Variants in SLCO3A1 observed in about 807,000 individuals in gnomAD.
SLCO3A1 encodes PGE1 transporter.
Under a neutral mutation model 63.1 loss-of-function variants are expected in SLCO3A1, and 27 were observed. That is an observed-to-expected ratio of 0.43 (90% CI 0.32 to 0.59). SLCO3A1 has a LOEUF of 0.59. Ranked by LOEUF, SLCO3A1 falls within the 20% of genes least tolerant of loss-of-function variation. The pLI is 0.09. For synonymous variants in SLCO3A1, 473 were observed against 409.9 expected, an observed-to-expected ratio of 1.15 and a Z score of -1.86; for missense variants, 773 against 945.8, an observed-to-expected ratio of 0.82 and a Z score of 2.40.
intron 2 of SLCO3A1, among the ~76,000 whole-genome samples, chr15:92,082,040 G>A (rs2047353076): frequency 6.6e-6 from 1 of 152,186 alleles, no homozygotes; most frequent in South Asian, 2.1e-4. Flanking sequence ...CTTTGTGATG[G>A]AGATAATTCT....
chr15:91,973,433 T>C (rs1846735790), intron 2 of SLCO3A1, among the ~76,000 whole-genome samples: 1 of 152,212 alleles, frequency 6.6e-6, no homozygotes, highest in African/African-American at 2.4e-5. Flanking sequence ...CAAGTCAAGA[T>C]ACAATTATCT....
chr15:91,907,044 G>C (rs570262166), intron 1 of SLCO3A1, among the ~76,000 whole-genome samples: 67 of 152,054 alleles, frequency 4.4e-4, no homozygotes, highest in African/African-American at 1.6e-3. Context: ...TTTTACTTTA[G>C]GGCCATTTAG....
At chr15:92,142,555 T>G (rs756855278) in intron 7 of SLCO3A1, among the ~76,000 whole-genome samples, 6 of 152,180 alleles carry the variant, frequency 3.9e-5, no homozygotes, top group Non-Finnish European at 8.8e-5. Context: ...TAGTATCACA[T>G]TGGTGATTAT....
At chr15:91,920,472 GGAGA>G (rs1353354623) in intron 2 of SLCO3A1, among the ~76,000 whole-genome samples, 3 of 152,198 alleles carry the variant, frequency 2.0e-5, no homozygotes, top group Non-Finnish European at 2.9e-5. Context: ...GAGGTAGGAT[GGAGA>G]GAGAGGAAGG....
intron 2 of SLCO3A1, among the ~76,000 whole-genome samples, chr15:92,078,583 G>GC (rs1185107919): frequency 1.3e-5 from 2 of 152,100 alleles, no homozygotes; most frequent in Admixed American, 1.3e-4. Flanking sequence ...CCACACCTCT[G>GC]CCTTTGCCCA....
At chr15:91,864,136 TC>T (rs1202763749) in intron 1 of SLCO3A1, among the ~76,000 whole-genome samples, 4 of 152,216 alleles carry the variant, frequency 2.6e-5, no homozygotes, top group Non-Finnish European at 4.4e-5. Flanking sequence ...TTGTTCGATT[TC>T]TAGAGATGGA....
intron 2 of SLCO3A1, among the ~76,000 whole-genome samples, chr15:91,996,448 A>G (rs1428959187): frequency 1.3e-5 from 2 of 152,118 alleles, no homozygotes; most frequent in Non-Finnish European, 2.9e-5. Flanking sequence ...TTCCATTGCA[A>G]TAAAAACAAA....
At chr15:91,892,875 G>A (rs1006005398) in intron 1 of SLCO3A1, among the ~76,000 whole-genome samples, 10 of 152,292 alleles carry the variant, frequency 6.6e-5, no homozygotes, top group African/African-American at 2.4e-4. Context: ...CATAGCTAAT[G>A]TCACAATAAA....
At chr15:92,153,783 A>G (rs1395798470) in intron 9 of SLCO3A1, among the ~76,000 whole-genome samples, 1 of 152,126 alleles carries the variant, frequency 6.6e-6, no homozygotes, top group Non-Finnish European at 1.5e-5. Context: ...AGGGAGAAGG[A>G]CTTACGGGGT....
chr15:92,161,800 T>C (rs1699970643), intron 9 of SLCO3A1: 1 of 131,826 alleles, frequency 7.6e-6, no homozygotes, highest in Non-Finnish European at 1.7e-5. Flanking sequence ...GTTTCCTCTG[T>C]AGAACACCAC....
In SLCO3A1 at chr15:92,147,752, T is replaced by C. The variant is rs71412546; in HGVS notation, c.1688+593T>C. On this transcript the variant is annotated intron_variant, in intron 8 of 9. Transcript: ENST00000318445. ...AACCGAAATTCTATTGTTACCTGTCTCTGGGGACCTGTCCTGGGGATAGGT... is the reference window on the plus strand; with the variant it reads ...AACCGAAATTCTATTGTTACCTGTCCCTGGGGACCTGTCCTGGGGATAGGT... Among the ~76,000 whole-genome samples, 704 of 152,294 alleles carry C rather than the reference T, an allele frequency of 4.6e-3. 3 individuals are homozygous for C. The highest frequency in any genetic ancestry group is 0.02 in the Middle Eastern group (6 of 294).
At chr15:91,923,389 C>A (rs1172983073) in intron 2 of SLCO3A1, among the ~76,000 whole-genome samples, 2 of 152,186 alleles carry the variant, frequency 1.3e-5, no homozygotes, top group African/African-American at 2.4e-5. Flanking sequence ...AGAATAGCAA[C>A]CTCTTCAGTC....
chr15:91,873,600 T>A (rs1314134471), intron 1 of SLCO3A1, among the ~76,000 whole-genome samples: 1 of 151,870 alleles, frequency 6.6e-6, no homozygotes, highest in Non-Finnish European at 1.5e-5. Flanking sequence ...AGGACCATTT[T>A]AAAGTAAATT....
intron 2 of SLCO3A1, among the ~76,000 whole-genome samples, chr15:92,000,539 GA>G (rs372589745): frequency 3.4e-5 from 2 of 58,590 alleles, no homozygotes; most frequent in East Asian, 5.2e-4. Context: ...GTTGAATGCA[GA>G]AAAAAAAGGA....
intron 4 of SLCO3A1, among the ~76,000 whole-genome samples, chr15:92,119,785 A>G (rs1358662552): frequency 6.6e-6 from 1 of 152,148 alleles, no homozygotes; most frequent in African/African-American, 2.4e-5. Flanking sequence ...GATCTCGCTG[A>G]CTGCTACTCA....
chr15:91,853,900 G>C lies in SLCO3A1; in HGVS notation c.-9G>C, dbSNP rs1459223929. On this transcript the variant is annotated 5_prime_UTR_variant, in exon 1 of 10. Transcript: ENST00000318445. ...CAGCGGCGGCGGCGGCGGCGGCGGC[G>C]GGGGAAGGATGCAGGGGAAGAAGCC... 1 of 1,365,142 alleles carries C rather than the reference G, an allele frequency of 7.3e-7. No homozygotes were observed. The allele number at this position is 1,365,142 out of a possible 1,614,324, so 84.6% of individuals were successfully genotyped here.
At chr15:91,993,674 C>T (rs1284870283) in intron 2 of SLCO3A1, among the ~76,000 whole-genome samples, 1 of 152,138 alleles carries the variant, frequency 6.6e-6, no homozygotes, top group Non-Finnish European at 1.5e-5. Flanking sequence ...AGACTAGCTC[C>T]CAGTAATCCT....
At chr15:91,880,223 T>A (rs1897535432) in intron 1 of SLCO3A1, among the ~76,000 whole-genome samples, 1 of 150,842 alleles carries the variant, frequency 6.6e-6, no homozygotes, top group Non-Finnish European at 1.5e-5. Context: ...TAGATTCACA[T>A]GCAATTGTAA....
intron 2 of SLCO3A1, among the ~76,000 whole-genome samples, chr15:92,018,365 G>T (rs2046464899): frequency 6.6e-6 from 1 of 152,192 alleles, no homozygotes; most frequent in Admixed American, 6.5e-5. Flanking sequence ...GTTCAGAGCA[G>T]TGACCTTGGG....
Sources: allele counts gnomAD v4.1 joint callset (sites outside exome capture counted in the v4.1 genomes callset), GRCh38; gene constraint gnomAD v4.1.1; transcripts MANE v1.5; gene names NCBI Gene and HGNC (gene_info 2026-07-23, HGNC 2026-07-21).